Variants in ACADM observed in about 807,000 individuals in gnomAD.
The protein encoded by ACADM is medium-chain specific acyl-CoA dehydrogenase, mitochondrial.
A neutral mutation model predicts 58.9 loss-of-function variants in ACADM; 49 were observed. The observed-to-expected ratio is 0.83, with a 90% CI of 0.66 to 1.06. The LOEUF is 1.06. Among genes scored for constraint, ACADM ranks in the 50% least tolerant of loss-of-function variants. The pLI, the probability that ACADM is intolerant of heterozygous loss-of-function variation, is 0.00. For missense variants in ACADM, 496 were observed against 507.0 expected, an observed-to-expected ratio of 0.98 and a Z score of 0.21; for synonymous variants, 160 against 157.7, an observed-to-expected ratio of 1.01 and a Z score of -0.11.
Position 75,763,080 on chromosome 1 carries a change from C to T in ACADM, c.*317C>T, listed in dbSNP as rs886046526. On this transcript the variant is annotated 3_prime_UTR_variant, in exon 12 of 12. Transcript: ENST00000370841. ...TCTTGGAATTTTATTTTTGTAATGA[C>T]AGAAAAGTGGGCTTAGAAAGTATTC... 15 of 188,928 alleles carry T rather than the reference C, an allele frequency of 7.9e-5. No individual in the cohort carries two copies. The South Asian group carries it at 1.6e-3, about 20-fold the overall frequency. 11.7% of individuals were successfully genotyped at this position (188,928 alleles called of 1,614,324 possible).
chr1:75,755,632 G>T (rs1376469335), intron 10 of ACADM, among the ~76,000 whole-genome samples: 1 of 152,116 alleles, frequency 6.6e-6, no homozygotes, highest in Non-Finnish European at 1.5e-5. Flanking sequence ...AAAGACCAAA[G>T]GTAGATAAAC....
chr1:75,744,442 A>G (rs918264779), intron 7 of ACADM: 1 of 1,516,394 alleles, frequency 6.6e-7, no homozygotes, highest in Non-Finnish European at 9.2e-7. Flanking sequence ...AACCTGCACC[A>G]ATGTCTTGTC....
At chr1:75,733,214 T>C (rs1218336872) in intron 4 of ACADM, 4 of 1,581,142 alleles carry the variant, frequency 2.5e-6, no homozygotes, top group South Asian at 1.2e-5. Context: ...TATTACATTT[T>C]ATTGAGTCTT....
Position 75,732,922 on chromosome 1 carries a change from G to C in ACADM, c.286G>C (p.Gly96Arg), listed in dbSNP as rs886042055. 2.5e-6 allele frequency: 4 copies of C among 1,613,582 alleles called. No individual in the cohort carries two copies. The African/African-American group carries it at 5.3e-5, about 22-fold the overall frequency. ...LMNTHIPENC[G>R]GLGLGTFDAC... ...GAACACACACATTCCAGAGAACTGTGGTAAGCTTTCTTTATATTTTTAATA... is the reference window on the plus strand; with the variant it reads ...GAACACACACATTCCAGAGAACTGTCGTAAGCTTTCTTTATATTTTTAATA... The change falls in exon 4 of 12, where the codon GGA becomes CGA. Residue 96 changes from glycine to arginine, a missense_variant and splice_region_variant. Gly to Arg is a moderately radical substitution (Grantham distance 125, BLOSUM62 -2). Transcript: ENST00000370841.
intron 6 of ACADM, 142 bp from the exon 7 acceptor site, chr1:75,739,838 T>C (rs1187321786): frequency 6.5e-6 from 4 of 617,818 alleles, no homozygotes; most frequent in Admixed American, 3.8e-5. Context: ...AGTGGTTTCT[T>C]TGATTTTGTA....
At chr1:75,753,109 G>GT (rs1435856436) in intron 10 of ACADM, among the ~76,000 whole-genome samples, 2 of 151,954 alleles carry the variant, frequency 1.3e-5, no homozygotes, top group African/African-American at 4.8e-5. Flanking sequence ...TTTTTTTCTT[G>GT]TTCTTTTTTT....
chr1:75,727,904 G>C (rs1295579342), intron 1 of ACADM, among the ~76,000 whole-genome samples: 1 of 152,176 alleles, frequency 6.6e-6, no homozygotes, highest in Non-Finnish European at 1.5e-5. Context: ...TTTTGTTAGA[G>C]TGGGGTATCC....
At chr1:75,742,917 GCA>G (rs1491109833) in intron 7 of ACADM, among the ~76,000 whole-genome samples, 35,816 of 152,170 alleles carry the variant, frequency 0.24, 4,577 homozygotes, top group Non-Finnish European at 0.3. Flanking sequence ...AAGGAAAGCA[GCA>G]CCTCTTTGCC....
intron 2 of ACADM, among the ~76,000 whole-genome samples, chr1:75,729,714 G>A (rs934616416): frequency 6.7e-6 from 1 of 148,920 alleles, no homozygotes; most frequent in Non-Finnish European, 1.5e-5. Context: ...GGCTGGTCTC[G>A]AACAGCTGAA....
chr1:75,735,069 C>T (rs1293636175), intron 6 of ACADM, among the ~76,000 whole-genome samples, 198 bp downstream of exon 6: 1 of 152,072 alleles, frequency 6.6e-6, no homozygotes, highest in Admixed American at 6.6e-5. Flanking sequence ...CCTGTAATCC[C>T]AGCACTTTGG....
At chr1:75,726,789 A>G (rs1647063851) in intron 1 of ACADM, among the ~76,000 whole-genome samples, 1 of 150,694 alleles carries the variant, frequency 6.6e-6, no homozygotes, top group African/African-American at 2.4e-5. Flanking sequence ...AGCACCAGAG[A>G]AACTGTTTCA....
In ACADM at chr1:75,732,754, A is replaced by G. The variant is rs1478687007; in HGVS notation, c.216+13A>G. ...TAAAACTGGTGAAGTAGGTATATAC[A>G]TTTTAAAGAGGGAAAAATCTTTTAC... On this transcript the variant is annotated intron_variant, in intron 3 of 11. Transcript: ENST00000370841. 2 of 1,610,334 alleles carry G rather than the reference A, an allele frequency of 1.2e-6. No homozygotes were observed. Among genetic ancestry groups the G allele is most frequent in the Middle Eastern group, 1.7e-4 (1 of 6,042 alleles).
chr1:75,741,500 G>A (rs933079505), intron 7 of ACADM, among the ~76,000 whole-genome samples: 2 of 152,100 alleles, frequency 1.3e-5, no homozygotes, highest in African/African-American at 2.4e-5. Flanking sequence ...AATCACTCAC[G>A]TCTACAATCC....
intron 7 of ACADM, 97 bp downstream of exon 7, chr1:75,740,207 G>T (rs911344905): frequency 1.5e-6 from 2 of 1,294,382 alleles, no homozygotes; most frequent in Admixed American, 1.8e-5. Flanking sequence ...TACAGTTAAG[G>T]TATGTTTGTG....
chr1:75,734,268 A>G (rs548309595), intron 5 of ACADM, among the ~76,000 whole-genome samples: 253 of 143,244 alleles, frequency 1.8e-3, no homozygotes, highest in African/African-American at 6.2e-3. Flanking sequence ...GGTTCACGCC[A>G]TTCTCCTGTC....
In ACADM at chr1:75,729,162, A is replaced by G. The variant is rs543695502; in HGVS notation, c.118+674A>G. Among the ~76,000 whole-genome samples the G allele has an allele frequency of 1.5e-4, 23 of 151,810 alleles. 1 individual carries two copies. Among genetic ancestry groups the G allele is most frequent in the African/African-American group, 5.3e-4 (22 of 41,454 alleles). ...CAGCTAGGTACAAATGACAATCTCA[A>G]AGCTCTCCAGAGTTATTTTTTTTAT... On this transcript the variant is annotated intron_variant, in intron 2 of 11. Transcript: ENST00000370841.
intron 1 of ACADM, among the ~76,000 whole-genome samples, chr1:75,727,195 T>C (rs1218005873): frequency 6.6e-6 from 1 of 152,226 alleles, no homozygotes; most frequent in African/African-American, 2.4e-5. Context: ...ATGAGGTATG[T>C]TATTTGGAAA....
intron 10 of ACADM, among the ~76,000 whole-genome samples, chr1:75,756,704 A>T (rs1001267480): frequency 6.6e-6 from 1 of 152,242 alleles, no homozygotes; most frequent in African/African-American, 2.4e-5. Flanking sequence ...AGAATTGGAA[A>T]AAACTACTTT....
At chr1:75,759,656 CTTTTTTTTTTT>C (rs34394777) in intron 10 of ACADM, among the ~76,000 whole-genome samples, 1 of 87,576 alleles carries the variant, frequency 1.1e-5, no homozygotes, top group South Asian at 4.8e-4. Context: ...TAGCAACTTT[CTTTTTTTTTTT>C]TTTTTTTTTT....
Sources: gnomAD v4.1 joint callset for allele counts (sites outside exome capture counted in the v4.1 genomes callset) on GRCh38, gnomAD v4.1.1 for gene constraint, MANE v1.5 for transcripts, NCBI Gene and HGNC (gene_info 2026-07-23, HGNC 2026-07-21) for gene names.